ZNF277: variants seen among roughly 807,000 people sequenced by gnomAD.
ZNF277 encodes nuclear receptor-interacting factor 4.
In ZNF277, 55 loss-of-function variants were observed where a neutral mutation model predicts 60.7. The ratio of observed to expected loss-of-function variants is 0.91; its 90% CI spans 0.73 to 1.13. The LOEUF is 1.13. Among genes scored for constraint, ZNF277 ranks in the 50% most tolerant of loss-of-function variants. ZNF277 has a pLI of 0.00. For synonymous variants in ZNF277, 178 were observed against 179.3 expected, an observed-to-expected ratio of 0.99 and a Z score of 0.06; for missense variants, 510 against 523.0, an observed-to-expected ratio of 0.98 and a Z score of 0.24.
At chr7:112,253,459 A>G (rs1791240672) in intron 1 of ZNF277, among the ~76,000 whole-genome samples, 1 of 152,106 alleles carries the variant, frequency 6.6e-6, no homozygotes, top group Non-Finnish European at 1.5e-5. Flanking sequence ...TCTACCTCTC[A>G]TGTTATTTTT....
intron 1 of ZNF277, among the ~76,000 whole-genome samples, chr7:112,278,799 A>G (rs77803470): frequency 0.014 from 2,098 of 152,286 alleles, 56 homozygotes; most frequent in African/African-American, 0.047. Context: ...TTTTTAATGT[A>G]CACTACTATT....
intron 1 of ZNF277, among the ~76,000 whole-genome samples, chr7:112,245,707 T>C (rs559589065): frequency 9.8e-5 from 15 of 152,306 alleles, no homozygotes; most frequent in African/African-American, 2.9e-4. Flanking sequence ...CATGGTGTTC[T>C]CCTTTATGTG....
intron 2 of ZNF277, chr7:112,287,914 G>A (rs1792111479): frequency 7.3e-6 from 1 of 136,060 alleles, no homozygotes; most frequent in African/African-American, 3.5e-5. Flanking sequence ...TTTTCTATAA[G>A]TTCTCTAAAG....
chr7:112,264,603 G>GA (rs750535875), intron 1 of ZNF277, among the ~76,000 whole-genome samples: 3 of 149,618 alleles, frequency 2.0e-5, no homozygotes, highest in East Asian at 1.9e-4. Flanking sequence ...ATTAAATGGA[G>GA]AAAAAAAAAG....
intron 4 of ZNF277, among the ~76,000 whole-genome samples, chr7:112,296,959 G>T (rs1283779953): frequency 1.7e-5 from 1 of 58,890 alleles, no homozygotes; most frequent in African/African-American, 5.4e-5. Context: ...ATGGAGTCTC[G>T]CTCTGTTGCC....
intron 1 of ZNF277, among the ~76,000 whole-genome samples, chr7:112,247,597 T>A (rs1678584056): frequency 6.6e-6 from 1 of 152,162 alleles, no homozygotes; most frequent in South Asian, 2.1e-4. Flanking sequence ...GTTGAATCAT[T>A]GAGCACCTAT....
intron 1 of ZNF277, among the ~76,000 whole-genome samples, chr7:112,263,566 C>CT (rs1791481252): frequency 6.6e-6 from 1 of 152,148 alleles, no homozygotes; most frequent in Admixed American, 6.5e-5. Context: ...AAAGCCCCAG[C>CT]TTTTGTAGCT....
intron 1 of ZNF277, among the ~76,000 whole-genome samples, chr7:112,254,281 T>C (rs1327394035): frequency 1.3e-5 from 2 of 152,202 alleles, no homozygotes; most frequent in African/African-American, 2.4e-5. Flanking sequence ...CAGCATCACC[T>C]GGGAACTTGT....
intron 7 of ZNF277, among the ~76,000 whole-genome samples, chr7:112,331,766 C>T (rs4727767): frequency 0.044 from 6,661 of 152,274 alleles, 346 homozygotes; most frequent in African/African-American, 0.13. Flanking sequence ...CTTCAGGACC[C>T]AGCCCAGTCT....
chr7:112,259,280 T>C (rs763911087), intron 1 of ZNF277, among the ~76,000 whole-genome samples: 10 of 152,184 alleles, frequency 6.6e-5, no homozygotes, highest in Non-Finnish European at 1.3e-4. Flanking sequence ...CTCTGTTGTA[T>C]ATTGTAAAAG....
At chr7:112,335,328 G>A (rs1793308602) in intron 7 of ZNF277, among the ~76,000 whole-genome samples, 1 of 152,056 alleles carries the variant, frequency 6.6e-6, no homozygotes, top group African/African-American at 2.4e-5. Context: ...TGGCACAATG[G>A]GAAGATTGGA....
At chr7:112,214,405 TG>T (rs1821830227) in intron 1 of ZNF277, among the ~76,000 whole-genome samples, 1 of 152,262 alleles carries the variant, frequency 6.6e-6, no homozygotes, top group Non-Finnish European at 1.5e-5. Context: ...AGACTCTGAA[TG>T]AGTTGGCTTT....
intron 1 of ZNF277, among the ~76,000 whole-genome samples, chr7:112,243,281 A>G (rs1196788713): frequency 6.6e-6 from 1 of 152,062 alleles, no homozygotes; most frequent in Non-Finnish European, 1.5e-5. Context: ...CAAAGAATTC[A>G]TGACTAAGAC....
At chr7:112,236,122 C>G (rs1790779292) in intron 1 of ZNF277, among the ~76,000 whole-genome samples, 1 of 152,038 alleles carries the variant, frequency 6.6e-6, no homozygotes, top group Admixed American at 6.5e-5. Context: ...TAGTACCACA[C>G]TATCTTAATT....
chr7:112,237,266 C>G (rs917407185), intron 1 of ZNF277, among the ~76,000 whole-genome samples: 4 of 152,002 alleles, frequency 2.6e-5, no homozygotes, highest in African/African-American at 9.7e-5. Flanking sequence ...ATGCCTACAT[C>G]AAAAGAATAG....
chr7:112,240,109 TA>T (rs912645222), intron 1 of ZNF277, among the ~76,000 whole-genome samples: 1 of 151,928 alleles, frequency 6.6e-6, no homozygotes, highest in African/African-American at 2.4e-5. Flanking sequence ...CTACAACAGA[TA>T]AAAATTGAAA....
intron 4 of ZNF277, 69 bp downstream of exon 4, chr7:112,296,380 GTTTT>G: frequency 1.8e-6 from 1 of 547,228 alleles, no homozygotes; most frequent in East Asian, 4.1e-5. Flanking sequence ...AATCATATTG[GTTTT>G]TTTTTTTTTT....
chr7:112,284,803 C>T (rs1792024605), intron 1 of ZNF277, among the ~76,000 whole-genome samples: 1 of 152,156 alleles, frequency 6.6e-6, no homozygotes, highest in African/African-American at 2.4e-5. Context: ...CTATGGGACA[C>T]CTTCCTTCTC....
intron 2 of ZNF277, among the ~76,000 whole-genome samples, chr7:112,292,452 C>A (rs769156752): frequency 6.6e-6 from 1 of 152,168 alleles, no homozygotes; most frequent in Non-Finnish European, 1.5e-5. Flanking sequence ...TCTTCCTCTT[C>A]AGACTTCATT....
Sources: allele counts gnomAD v4.1 joint callset (sites outside exome capture counted in the v4.1 genomes callset), GRCh38; gene constraint gnomAD v4.1.1; transcripts MANE v1.5; gene names NCBI Gene and HGNC (gene_info 2026-07-23, HGNC 2026-07-21).